Variants in MDGA2 observed in about 807,000 individuals in gnomAD.
MDGA2 encodes MAM domain containing glycosylphosphatidylinositol anchor 2.
In MDGA2, 40 loss-of-function variants were observed where a neutral mutation model predicts 117.8. The ratio of observed to expected loss-of-function variants is 0.34; its 90% CI spans 0.26 to 0.44. The LOEUF is 0.44. MDGA2 is among the 20% of genes least tolerant of loss of function. The probability of loss-of-function intolerance (pLI) is 1.00; values close to 1 mark genes in which losing one functional copy is unlikely to be tolerated. For synonymous variants in MDGA2, 452 were observed against 439.0 expected (o/e 1.03, Z -0.37); for missense variants, 1,123 against 1,250.6 (o/e 0.90, Z 1.54).
intron 1 of MDGA2, among the ~76,000 whole-genome samples, chr14:47,631,071 G>A (rs1414953252): frequency 6.6e-6 from 1 of 152,112 alleles, no homozygotes; most frequent in Non-Finnish European, 1.5e-5. Flanking sequence ...TCTCAACCAT[G>A]GATACACAAT....
chr14:47,189,533 A>T (rs1885033814), intron 3 of MDGA2, among the ~76,000 whole-genome samples: 1 of 152,280 alleles, frequency 6.6e-6, no homozygotes, highest in Non-Finnish European at 1.5e-5. Flanking sequence ...TCCTTAAAAA[A>T]AAATTGAGGT....
In MDGA2 at chr14:46,841,472, T is replaced by C. The variant is rs1233686407; in HGVS notation, c.*459A>G. The C allele has an allele frequency of 2.0e-5, 3 of 152,724 alleles. No individual in the cohort carries two copies. The highest frequency in any genetic ancestry group is 2.9e-5 in the Non-Finnish European group (2 of 68,142). The allele number at this position is 152,724 out of a possible 1,614,324, so 9.5% of individuals were successfully genotyped here. On this transcript the variant is annotated 3_prime_UTR_variant, in exon 17 of 17. Transcript: ENST00000399232. ...AAAACCTTCTCGTAAGGAAAATAAA[T>C]GCCAGCTCTTCACGTACCCTGTTTA...
intron 7 of MDGA2, among the ~76,000 whole-genome samples, chr14:47,044,282 A>C (rs1352396718): frequency 6.6e-6 from 1 of 152,152 alleles, no homozygotes; most frequent in Non-Finnish European, 1.5e-5. Flanking sequence ...AAAACAATAG[A>C]TTTTTATAAT....
chr14:46,929,599 G>GTATATATATA (rs1332389893), intron 9 of MDGA2, among the ~76,000 whole-genome samples: 2 of 15,250 alleles, frequency 1.3e-4, no homozygotes, highest in Non-Finnish European at 2.6e-4. Context: ...GTGTGTGTGT[G>GTATATATATA]TGTATATATA....
chr14:47,439,612 G>A (rs1486662808), intron 1 of MDGA2, among the ~76,000 whole-genome samples: 12 of 151,960 alleles, frequency 7.9e-5, no homozygotes, highest in Admixed American at 7.9e-4. Flanking sequence ...TTTTTTTGTG[G>A]TTGATTTCAT....
chr14:47,538,534 A>G (rs766219498), intron 1 of MDGA2, among the ~76,000 whole-genome samples: 3 of 152,226 alleles, frequency 2.0e-5, no homozygotes, highest in Non-Finnish European at 4.4e-5. Flanking sequence ...AAAGATAACA[A>G]CACAACAACT....
intron 1 of MDGA2, among the ~76,000 whole-genome samples, chr14:47,318,032 C>G (rs7147525): frequency 6.6e-6 from 1 of 151,906 alleles, no homozygotes; most frequent in Non-Finnish European, 1.5e-5. Flanking sequence ...AGAACTTGCC[C>G]TTTTAATCTG....
chr14:47,145,120 T>C (rs1882888798), intron 3 of MDGA2, among the ~76,000 whole-genome samples: 1 of 152,152 alleles, frequency 6.6e-6, no homozygotes, highest in Non-Finnish European at 1.5e-5. Flanking sequence ...TGAAGAGTGC[T>C]AAAAGGCATT....
chr14:47,229,424 T>C (rs939970849), intron 2 of MDGA2, among the ~76,000 whole-genome samples: 1 of 152,148 alleles, frequency 6.6e-6, no homozygotes, highest in Non-Finnish European at 1.5e-5. Flanking sequence ...ACAGAATTGA[T>C]GCTTATCTTT....
At chr14:46,877,936 C>G (rs1049772740) in intron 11 of MDGA2, among the ~76,000 whole-genome samples, 3 of 151,824 alleles carry the variant, frequency 2.0e-5, no homozygotes, top group African/African-American at 7.2e-5. Context: ...CTGTTTTCTA[C>G]TTCTACTGAG....
chr14:47,279,453 CATT>C (rs1358540455), intron 2 of MDGA2, among the ~76,000 whole-genome samples: 1 of 152,062 alleles, frequency 6.6e-6, no homozygotes, highest in Admixed American at 6.6e-5. Flanking sequence ...TTGTTGAAAA[CATT>C]ATCTCTTTTT....
chr14:47,282,806 G>A (rs973424861), intron 2 of MDGA2, among the ~76,000 whole-genome samples: 2 of 152,052 alleles, frequency 1.3e-5, no homozygotes, highest in African/African-American at 2.4e-5. Context: ...GGACTAGCTG[G>A]GTGTGGTGGC....
At chr14:47,020,941 T>A (rs189617495) in intron 8 of MDGA2, among the ~76,000 whole-genome samples, 1 of 152,136 alleles carries the variant, frequency 6.6e-6, no homozygotes, top group South Asian at 2.1e-4. Flanking sequence ...AGAAAATAAT[T>A]TTTAAATTAG....
intron 1 of MDGA2, among the ~76,000 whole-genome samples, chr14:47,506,635 C>T (rs1270198839): frequency 6.6e-6 from 1 of 152,172 alleles, no homozygotes; most frequent in East Asian, 1.9e-4. Flanking sequence ...AGCCACTAGC[C>T]AAACAGGTGG....
chr14:47,186,688 C>G (rs975533396), intron 3 of MDGA2, among the ~76,000 whole-genome samples: 1 of 151,874 alleles, frequency 6.6e-6, no homozygotes, highest in African/African-American at 2.4e-5. Context: ...CTAGCTCATG[C>G]TATTAACCAA....
intron 3 of MDGA2, among the ~76,000 whole-genome samples, chr14:47,191,673 T>G (rs2139407665): frequency 6.6e-6 from 1 of 152,284 alleles, no homozygotes; most frequent in African/African-American, 2.4e-5. Context: ...ATTTTCCCAC[T>G]AATAATGAGT....
At position 47,419,641 on chromosome 14, in the gene MDGA2, G is replaced by T. The variant is rs1456269842; in HGVS notation, c.281-118091C>A. Among the ~76,000 whole-genome samples the T allele has an allele frequency of 2.0e-5, 3 of 151,864 alleles. No homozygotes were observed. The East Asian group carries it at 5.8e-4, about 29-fold the overall frequency. ...TTTACATATGCCAGCTATAATTCTA[G>T]CATTAGCTAAATTTGTTTAATTAAT... On this transcript the variant is annotated intron_variant, in intron 1 of 16. Transcript: ENST00000399232.
At chr14:47,323,609 G>A (rs1197319922) in intron 1 of MDGA2, among the ~76,000 whole-genome samples, 1 of 151,844 alleles carries the variant, frequency 6.6e-6, no homozygotes, top group African/African-American at 2.4e-5. Flanking sequence ...TCCAGGCTGG[G>A]CAACAGAGTA....
intron 1 of MDGA2, among the ~76,000 whole-genome samples, chr14:47,559,264 C>G (rs1895748002): frequency 6.6e-6 from 1 of 152,114 alleles, no homozygotes; most frequent in South Asian, 2.1e-4. Context: ...AAGTAGGTCC[C>G]AGTAGTCTGT....
Sources: allele counts gnomAD v4.1 joint callset (sites outside exome capture counted in the v4.1 genomes callset), GRCh38; gene constraint gnomAD v4.1.1; transcripts MANE v1.5; gene names NCBI Gene and HGNC (gene_info 2026-07-23, HGNC 2026-07-21).